Variants in NOXA1 observed in about 807,000 individuals in gnomAD.
NOXA1 encodes the protein NCF2-like protein.
NOXA1 carries 56 observed loss-of-function variants against 64.8 expected under a neutral mutation model. The ratio of observed to expected loss-of-function variants is 0.86; its 90% CI spans 0.70 to 1.08. NOXA1 has a LOEUF of 1.08. Among genes scored for constraint, NOXA1 ranks in the 50% least tolerant of loss-of-function variants. The pLI is 0.00. For missense variants in NOXA1, 668 were observed against 658.5 expected (o/e 1.01, Z -0.16); for synonymous variants, 295 against 294.8 (o/e 1.00, Z -0.01).
intron 2 of NOXA1, 60 bp downstream of exon 2, chr9:137,426,390 C>A (rs962217517): frequency 7.7e-7 from 1 of 1,293,754 alleles, no homozygotes; most frequent in Admixed American, 1.7e-5. Context: ...GCAGAGTCCA[C>A]TCCTGCACCT....
Position 137,434,019 on chromosome 9 carries a change from G to A in NOXA1, c.1234G>A (p.Ala412Thr), listed in dbSNP as rs749037318. Reference sequence around the variant, plus strand: ...GGTGGTGGCCCAGCACAGCTACTCCGCCCAGGGGCCAGAGGACCTGGGCTT... The same window carrying A: ...GGTGGTGGCCCAGCACAGCTACTCCACCCAGGGGCCAGAGGACCTGGGCTT... ...YQVVAQHSYS[A>T]QGPEDLGFRQ... Residue 412 changes from alanine (A) to threonine (T), a missense_variant, in exon 13 of 14, where the codon GCC (alanine) becomes ACC (threonine). Ala to Thr is a moderately conservative substitution (Grantham distance 58). Coordinates refer to ENST00000683555, the MANE Select transcript of NOXA1 (RefSeq NM_001256067.2). 7.0e-6 allele frequency: 11 copies of A among 1,569,440 alleles called. No homozygotes were observed. The highest frequency in any genetic ancestry group is 1.2e-5 in the South Asian group (1 of 86,716).
chr9:137,430,077 T>A (rs1313728887), intron 5 of NOXA1, among the ~76,000 whole-genome samples: 1 of 122,304 alleles, frequency 8.2e-6, no homozygotes, highest in East Asian at 2.7e-4. Context: ...GGTGCCTGTG[T>A]CCCTGCCACA....
rs745928699 is a variant in NOXA1, at chr9:137,431,475, C to T, written c.804+134C>T. On this transcript the variant is annotated intron_variant, in intron 8 of 13. Coordinates refer to ENST00000683555, the MANE Select transcript of NOXA1 (RefSeq NM_001256067.2). The surrounding 1 kb of genome is among the most constrained non-coding windows in gnomAD (Gnocchi z 5.6). Reference sequence around the variant, plus strand: ...GGGGGTAGACGGGGCCGGGCTCACCCGTGGTCCTGGCCCAGCCCAGCCAGA... The same window carrying T: ...GGGGGTAGACGGGGCCGGGCTCACCTGTGGTCCTGGCCCAGCCCAGCCAGA... 2.4e-5 allele frequency: 18 copies of T among 753,058 alleles called. No individual in the cohort carries two copies. The highest frequency in any genetic ancestry group is 1.2e-4 in the South Asian group (7 of 59,020). 46.6% of individuals were successfully genotyped at this position (753,058 alleles called of 1,614,324 possible).
chr9:137,425,347 C>T (rs1838809907), intron 1 of NOXA1, among the ~76,000 whole-genome samples: 1 of 152,208 alleles, frequency 6.6e-6, no homozygotes, highest in African/African-American at 2.4e-5. Flanking sequence ...TAATAGATTT[C>T]TAGGGTGTCA....
At chr9:137,430,877 C>A in intron 6 of NOXA1, 34 bp downstream of exon 6, 1 of 1,558,946 alleles carries the variant, frequency 6.4e-7, no homozygotes, top group Non-Finnish European at 8.7e-7. Context: ...CCTGCCTGGC[C>A]TCACCCAGCT....
rs1838991745 is a variant in NOXA1 at position 137,429,403 on chromosome 9, C to T, written c.612+20C>T. The T allele has an allele frequency of 6.6e-7, 1 of 1,514,878 alleles. No homozygotes were observed. The highest frequency in any genetic ancestry group is 2.0e-5 in the Admixed American group (1 of 50,828). The allele number at this position is 1,514,878 out of a possible 1,614,324, so 93.8% of individuals were successfully genotyped here. On this transcript the variant is annotated intron_variant, in intron 5 of 13. Transcript: ENST00000683555. Reference sequence around the variant, plus strand: ...GCCAAGGTAAAGGTGGGGACGGCGTCCTGGGGCATGGCGGCTGGTGCTGAG... The same window carrying T: ...GCCAAGGTAAAGGTGGGGACGGCGTTCTGGGGCATGGCGGCTGGTGCTGAG...
Position 137,431,453 on chromosome 9 carries a change from G to T in NOXA1, c.804+112G>T. 4 of 853,000 alleles carry T rather than the reference G, an allele frequency of 4.7e-6. No individual in the cohort carries two copies. The highest frequency in any genetic ancestry group is 7.4e-6 in the Non-Finnish European group (4 of 537,696). 52.8% of individuals were successfully genotyped at this position (853,000 alleles called of 1,614,324 possible). On this transcript the variant is annotated intron_variant, in intron 8 of 13. Coordinates refer to ENST00000683555, the MANE Select transcript of NOXA1 (RefSeq NM_001256067.2). This position sits in a 1 kb window ranked among gnomAD's most constrained non-coding sequence, Gnocchi z 5.6. ...GGGTGGAGGGAGCAGCTCGCTGGGG[G>T]GTAGACGGGGCCGGGCTCACCCGTG...
Position 137,428,233 on chromosome 9 carries a change from C to G in NOXA1, c.369+92C>G, listed in dbSNP as rs956313001. On this transcript the variant is annotated intron_variant, in intron 3 of 13. Coordinates refer to ENST00000683555, the MANE Select transcript of NOXA1 (RefSeq NM_001256067.2). ...GGAGGGCCCTGTGGACTGGGGAGCG[C>G]CTCTGGCCGAAGCTCTTGGTGCCAT... 9 of 906,802 alleles carry G rather than the reference C, an allele frequency of 9.9e-6. No individual in the cohort carries two copies. In the African/African-American group the frequency reaches 1.5e-4, roughly 15 times the overall value. The allele number at this position is 906,802 out of a possible 1,614,324, so 56.2% of individuals were successfully genotyped here. A position where few individuals can be genotyped will look rare whatever the true frequency, so the allele number is the denominator to read the frequency against.
rs1387671232 is a variant in NOXA1, at chr9:137,431,154, G to T, written c.698+54G>T. Reference sequence around the variant, plus strand: ...CGCGTGCCTTTCCTGCTGGGCAGAGGCCCTCCACATGGGGCCACGCGGGCC... The same window carrying T: ...CGCGTGCCTTTCCTGCTGGGCAGAGTCCCTCCACATGGGGCCACGCGGGCC... On this transcript the variant is annotated intron_variant, in intron 7 of 13. Coordinates refer to ENST00000683555, the MANE Select transcript of NOXA1 (RefSeq NM_001256067.2). The surrounding 1 kb of genome is among the most constrained non-coding windows in gnomAD (Gnocchi z 5.6). 2 of 1,612,004 alleles carry T rather than the reference G, an allele frequency of 1.2e-6. No individual in the cohort carries two copies. Among genetic ancestry groups the T allele is most frequent in the Non-Finnish European group, 1.7e-6 (2 of 1,179,488 alleles).
chr9:137,426,191 T>C, intron 1 of NOXA1, 57 bp from the exon 2 acceptor site: 2 of 1,461,508 alleles, frequency 1.4e-6, no homozygotes, highest in Non-Finnish European at 9.6e-7. Flanking sequence ...GCTGTATCTG[T>C]GATGCTGCGT....
rs1403985893 is a variant in NOXA1, at chr9:137,433,526, C to T, written c.983C>T (p.Ala328Val). The change falls in exon 11 of 14, where the codon GCA becomes GTA. Residue 328 changes from alanine to valine, a missense_variant. Ala to Val is a moderately conservative substitution (Grantham distance 64, BLOSUM62 0). Coordinates refer to ENST00000683555, the MANE Select transcript of NOXA1 (RefSeq NM_001256067.2). ...VQCAFTVALR[A>V]RRGADLSSLR... ...TGCGCCTTCACAGTGGCCCTGAGGGCACGAAGAGGAGCCGACCTGTCCAGC... is the reference window on the plus strand; with the variant it reads ...TGCGCCTTCACAGTGGCCCTGAGGGTACGAAGAGGAGCCGACCTGTCCAGC... 6.3e-7 allele frequency: 1 copy of T among 1,596,194 alleles called. No homozygotes were observed. Among genetic ancestry groups the T allele is most frequent in the Non-Finnish European group, 8.5e-7 (1 of 1,174,978 alleles).
At chr9:137,424,044 A>T (rs116280312) in intron 1 of NOXA1, among the ~76,000 whole-genome samples, 2,188 of 152,170 alleles carry the variant, frequency 0.014, 52 homozygotes, top group African/African-American at 0.05. Flanking sequence ...TCTCCTCCTC[A>T]GAGCCCTCAG....
At chr9:137,424,110 C>T (rs13295338) in intron 1 of NOXA1, among the ~76,000 whole-genome samples, 36,336 of 152,020 alleles carry the variant, frequency 0.24, 5,060 homozygotes, top group Non-Finnish European at 0.32. Flanking sequence ...CAGGGTGCAG[C>T]GGCCGAGGCC....
intron 8 of NOXA1, among the ~76,000 whole-genome samples, chr9:137,432,520 T>G (rs953294912): frequency 5.9e-5 from 9 of 151,706 alleles, no homozygotes; most frequent in African/African-American, 2.2e-4. Context: ...GCGGAGCTTA[T>G]AGTGAGCCAA....
intron 5 of NOXA1, among the ~76,000 whole-genome samples, chr9:137,430,329 C>T (rs1045879341): frequency 8.6e-5 from 13 of 151,602 alleles, no homozygotes; most frequent in African/African-American, 2.7e-4. Context: ...AAGAAGAACT[C>T]CTGGTGGGCA....
intron 1 of NOXA1, among the ~76,000 whole-genome samples, chr9:137,424,266 C>T (rs912262532): frequency 3.9e-5 from 6 of 152,208 alleles, no homozygotes; most frequent in African/African-American, 9.6e-5. Context: ...ACTGAAGGCT[C>T]GGTGACAGCA....
At chr9:137,430,418 C>T (rs1348258446) in intron 5 of NOXA1, among the ~76,000 whole-genome samples, 1 of 152,226 alleles carries the variant, frequency 6.6e-6, no homozygotes, top group Non-Finnish European at 1.5e-5. Context: ...CGGTCACCTG[C>T]GCTGCGCCAC....
In NOXA1 at chr9:137,423,701, C is replaced by T; in HGVS notation, c.172C>T (p.Leu58=). 3.0e-6 allele frequency: 4 copies of T among 1,314,352 alleles called. No homozygotes were observed. The highest frequency in any genetic ancestry group is 3.9e-6 in the Non-Finnish European group (4 of 1,033,550). The allele number at this position is 1,314,352 out of a possible 1,614,324, so 81.4% of individuals were successfully genotyped here. Residue 58 remains leucine (L), a synonymous_variant, in exon 1 of 14, where the codon CTG becomes TTG. Coordinates refer to ENST00000683555, the MANE Select transcript of NOXA1 (RefSeq NM_001256067.2). The stretch of plus-strand genomic sequence containing the variant: ...GCTGGCCGGGGACCCCGAGGCCGCG[C>T]TGCGGGTGAGCGGGGCGTGGGGAGG... The part of the protein sequence containing the change: ...HLLAGDPEAA[L]RAFDQAVTKD...
At position 137,428,111 on chromosome 9, in the gene NOXA1, G is replaced by A. The variant is rs1838917855; in HGVS notation, c.339G>A (p.Leu113=). ...ACGCTGCCATCGACTACACGCAGCT[G>A]GGCCTGCGGTTCAAGCTGCAAGCCT... ...RGHAAIDYTQ[L]GLRFKLQAWE... The change falls in exon 3 of 14, where the codon CTG becomes CTA. Residue 113 remains leucine, a synonymous_variant. Transcript: ENST00000683555. 4 of 1,577,592 alleles carry A rather than the reference G, an allele frequency of 2.5e-6. No individual in the cohort carries two copies. The South Asian group carries it at 3.5e-5, about 14-fold the overall frequency.
Sources: allele counts gnomAD v4.1 joint callset (sites outside exome capture counted in the v4.1 genomes callset), GRCh38; gene constraint gnomAD v4.1.1; non-coding constraint Gnocchi (gnomAD v3.1); transcripts MANE v1.5; gene names NCBI Gene and HGNC (gene_info 2026-07-23, HGNC 2026-07-21).